The following SLIT3 variants were observed in gnomAD, a reference collection of about 807,000 sequenced individuals.
SLIT3 encodes slit homolog 3 protein.
Under a neutral mutation model 184.0 loss-of-function variants are expected in SLIT3, and 68 were observed. That is an observed-to-expected ratio of 0.37 (90% CI 0.30 to 0.45). The LOEUF is 0.45. Ranked by LOEUF, SLIT3 falls within the 20% of genes least tolerant of loss-of-function variation. The pLI is 1.00. For missense variants in SLIT3, 1,707 were observed against 2,026.0 expected, an observed-to-expected ratio of 0.84 and a Z score of 3.02; for synonymous variants, 831 against 828.6, an observed-to-expected ratio of 1.00 and a Z score of -0.05.
intron 4 of SLIT3, among the ~76,000 whole-genome samples, chr5:169,075,529 G>C (rs1758704238): frequency 6.6e-6 from 1 of 152,166 alleles, no homozygotes; most frequent in African/African-American, 2.4e-5. Context: ...TCAGAGTGAG[G>C]AAAGTGTTTA....
chr5:168,870,724 T>A (rs1028684617), intron 5 of SLIT3, among the ~76,000 whole-genome samples: 14 of 152,332 alleles, frequency 9.2e-5, no homozygotes, highest in African/African-American at 2.9e-4. Flanking sequence ...GCCTTTTTTC[T>A]CCCCATAGGC....
At chr5:169,001,070 A>G (rs1357600232) in intron 4 of SLIT3, among the ~76,000 whole-genome samples, 3 of 152,224 alleles carry the variant, frequency 2.0e-5, no homozygotes, top group Non-Finnish European at 4.4e-5. Flanking sequence ...TGGGAAAAAG[A>G]TGCTTTCTGC....
At chr5:168,932,124 C>T (rs565560421) in intron 4 of SLIT3, among the ~76,000 whole-genome samples, 2 of 152,164 alleles carry the variant, frequency 1.3e-5, no homozygotes, top group Middle Eastern at 3.4e-3. Flanking sequence ...GGCTGCCCAC[C>T]GCAGAGATTG....
intron 4 of SLIT3, among the ~76,000 whole-genome samples, chr5:168,916,750 A>G (rs1761448345): frequency 6.6e-6 from 1 of 152,212 alleles, no homozygotes. Flanking sequence ...AACTCATCAA[A>G]AAGGATTGCC....
intron 4 of SLIT3, among the ~76,000 whole-genome samples, chr5:168,971,622 A>C (rs1422325746): frequency 6.6e-6 from 1 of 152,202 alleles, no homozygotes; most frequent in Non-Finnish European, 1.5e-5. Context: ...TCAATCATTG[A>C]GAAGTGGATT....
chr5:168,921,063 G>A (rs1467042225), intron 4 of SLIT3, among the ~76,000 whole-genome samples: 1 of 151,986 alleles, frequency 6.6e-6, no homozygotes, highest in Non-Finnish European at 1.5e-5. Context: ...TGTGGGTCTC[G>A]GATTTAAAAC....
chr5:169,079,321 T>C (rs1181013125), intron 4 of SLIT3, among the ~76,000 whole-genome samples: 1 of 152,094 alleles, frequency 6.6e-6, no homozygotes, highest in Non-Finnish European at 1.5e-5. Context: ...TCAGATCTTA[T>C]AGTTCTAGCT....
rs761705294 is a variant in SLIT3 at position 168,749,586 on chromosome 5, C to T, written c.2023G>A (p.Gly675Ser). Reference protein sequence around the residue: ...FNCNCHLAWLGKWLRKRRIVS... With the variant: ...FNCNCHLAWLSKWLRKRRIVS... ...ATCCGCCTCTTCCTCAACCACTTGC[C>T]GAGCCAGGCCAGGTGGCAGTTGCAG... The change falls in exon 19 of 36, where the codon GGC (glycine) becomes AGC (serine). Residue 675 changes from glycine to serine, a missense_variant. Physicochemically the swap from Gly to Ser is moderately conservative, Grantham distance 56. This residue lies in a region of SLIT3 where 1,307 missense variants were observed against 1,511.6 expected (regional missense o/e 0.86). Transcript: ENST00000519560. 4.3e-6 allele frequency: 7 copies of T among 1,614,056 alleles called. No individual in the cohort carries two copies. The highest frequency in any genetic ancestry group is 3.3e-5 in the Admixed American group (2 of 59,996).
At chr5:169,169,542 G>A (rs1408379013) in intron 4 of SLIT3, among the ~76,000 whole-genome samples, 1 of 152,214 alleles carries the variant, frequency 6.6e-6, no homozygotes, top group Non-Finnish European at 1.5e-5. Context: ...GGGCCCTTGA[G>A]ATGTCAAACT....
Position 169,095,481 on chromosome 5 carries a change from G to T in SLIT3, c.413+97998C>A, listed in dbSNP as rs547266964. Among the ~76,000 whole-genome samples the T allele has an allele frequency of 5.3e-5, 8 of 152,268 alleles. No individual in the cohort carries two copies. In the South Asian group the frequency reaches 1.2e-3, roughly 24 times the overall value. On this transcript the variant is annotated intron_variant, in intron 4 of 35. Transcript: ENST00000519560. ...ATACTCTGAAGAAATTAAAACTAAG[G>T]TATGAGGGTATTGAGAAGAGTAAAG...
chr5:169,085,673 T>C (rs1230414654), intron 4 of SLIT3, among the ~76,000 whole-genome samples: 1 of 152,218 alleles, frequency 6.6e-6, no homozygotes, highest in Non-Finnish European at 1.5e-5. Flanking sequence ...CAACACAGCC[T>C]GCCCCAGCTC....
At position 168,966,491 on chromosome 5, in the gene SLIT3, C is replaced by G. The variant is rs2113303657; in HGVS notation, c.414-83155G>C. On this transcript the variant is annotated intron_variant, in intron 4 of 35. Coordinates refer to ENST00000519560, the MANE Select transcript of SLIT3 (RefSeq NM_003062.4). ...AAAGGGATCCATCCCAGTGCTGCCT[C>G]TTGGTATGCTACCATGGGACTGCCC... 2.0e-5 allele frequency among the ~76,000 whole-genome samples: 3 copies of G among 152,292 alleles called. No individual in the cohort carries two copies. In the East Asian group the frequency reaches 5.8e-4, roughly 29 times the overall value.
Position 168,902,112 on chromosome 5 carries a change from G to C in SLIT3, c.414-18776C>G, listed in dbSNP as rs746003850. 4.6e-5 allele frequency among the ~76,000 whole-genome samples: 7 copies of C among 152,256 alleles called. No homozygotes were observed. In the East Asian group the frequency reaches 1.4e-3, roughly 29 times the overall value. On this transcript the variant is annotated intron_variant, in intron 4 of 35. Transcript: ENST00000519560. ...TCACCATTTTGGCCAGTATGGTCTT[G>C]ATCTCTTGACCTCATGATCTGCCCG...
intron 4 of SLIT3, among the ~76,000 whole-genome samples, chr5:169,138,762 G>A (rs1761618749): frequency 6.6e-6 from 1 of 152,210 alleles, no homozygotes; most frequent in Non-Finnish European, 1.5e-5. Context: ...TGGCACACTT[G>A]CATGGCATAT....
chr5:169,215,384 CCT>C (rs1455403584), intron 3 of SLIT3, among the ~76,000 whole-genome samples: 1 of 152,150 alleles, frequency 6.6e-6, no homozygotes, highest in Non-Finnish European at 1.5e-5. Flanking sequence ...CTCCCAGAGT[CCT>C]CTGTCATTAT....
chr5:169,035,647 G>GAAAAAAAA (rs201819555), intron 4 of SLIT3, among the ~76,000 whole-genome samples: 6 of 103,590 alleles, frequency 5.8e-5, no homozygotes, highest in Non-Finnish European at 9.9e-5. Context: ...ACTGCATCTG[G>GAAAAAAAA]AAAAAAAAAA....
chr5:168,994,437 T>C (rs1462385125), intron 4 of SLIT3, among the ~76,000 whole-genome samples: 2 of 151,962 alleles, frequency 1.3e-5, no homozygotes, highest in African/African-American at 4.8e-5. Flanking sequence ...AAAGGTACCA[T>C]CCCAGAATTT....
At chr5:169,283,186 C>T (rs1767044875) in intron 1 of SLIT3, among the ~76,000 whole-genome samples, 1 of 152,202 alleles carries the variant, frequency 6.6e-6, no homozygotes, top group African/African-American at 2.4e-5. Flanking sequence ...CATTTTCTCC[C>T]CAGAAGTTTG....
At chr5:168,970,172 C>G (rs1754519413) in intron 4 of SLIT3, among the ~76,000 whole-genome samples, 1 of 136,864 alleles carries the variant, frequency 7.3e-6, no homozygotes, top group Non-Finnish European at 1.6e-5. Flanking sequence ...CAGAGAGAGA[C>G]TCTGTCTAAA....
Sources: allele counts gnomAD v4.1 joint callset (sites outside exome capture counted in the v4.1 genomes callset), GRCh38; gene constraint gnomAD v4.1.1; regional missense constraint gnomAD v4.1.1; transcripts MANE v1.5; gene names NCBI Gene and HGNC (gene_info 2026-07-23, HGNC 2026-07-21).